LAMA2: variants seen among roughly 807,000 people sequenced by gnomAD.
LAMA2 encodes laminin subunit alpha 2.
In LAMA2, 269 loss-of-function variants were observed where a neutral mutation model predicts 364.8. That is an observed-to-expected ratio of 0.74 (90% CI 0.67 to 0.82). The LOEUF (loss-of-function observed/expected upper bound fraction) is 0.82, where lower values mean the gene tolerates loss of function less well. Ranked by LOEUF, LAMA2 falls within the 40% of genes least tolerant of loss-of-function variation. The pLI is 0.00. For missense variants in LAMA2, 3,807 were observed against 3,873.2 expected, an observed-to-expected ratio of 0.98 and a Z score of 0.45; for synonymous variants, 1,379 against 1,370.6, an observed-to-expected ratio of 1.01 and a Z score of -0.14.
chr6:129,217,252 A>G (rs1476657572), intron 12 of LAMA2, among the ~76,000 whole-genome samples: 1 of 152,064 alleles, frequency 6.6e-6, no homozygotes, highest in Non-Finnish European at 1.5e-5. Flanking sequence ...CAAAATATCT[A>G]TTTTTAGAAT....
intron 14 of LAMA2, among the ~76,000 whole-genome samples, chr6:129,255,832 C>T (rs1041921232): frequency 6.6e-6 from 1 of 152,126 alleles, no homozygotes; most frequent in Admixed American, 6.6e-5. Flanking sequence ...TGGGTAACTA[C>T]ATTTTGAAGA....
intron 12 of LAMA2, among the ~76,000 whole-genome samples, chr6:129,224,823 T>A (rs113009965): frequency 6.6e-6 from 1 of 152,192 alleles, no homozygotes; most frequent in African/African-American, 2.4e-5. Context: ...GCCAGGCTTT[T>A]GTATCAGGAG....
At chr6:128,883,442 T>C in intron 1 of LAMA2, 85 bp downstream of exon 1, 1 of 1,538,126 alleles carries the variant, frequency 6.5e-7, no homozygotes, top group Non-Finnish European at 8.7e-7. Context: ...AGTTGCTGTC[T>C]GTGGACTGCC....
intron 28 of LAMA2, among the ~76,000 whole-genome samples, chr6:129,321,650 G>C (rs997252172): frequency 6.6e-6 from 1 of 152,162 alleles, no homozygotes; most frequent in Non-Finnish European, 1.5e-5. Flanking sequence ...ACAGCACCTG[G>C]TGTGTAGATG....
intron 1 of LAMA2, among the ~76,000 whole-genome samples, chr6:128,913,207 G>C (rs989462617): frequency 6.6e-6 from 1 of 152,188 alleles, no homozygotes; most frequent in African/African-American, 2.4e-5. Context: ...TAGATGCTGT[G>C]AGAAAGATCA....
At chr6:129,351,543 G>C (rs1776854865) in intron 31 of LAMA2, among the ~76,000 whole-genome samples, 1 of 151,994 alleles carries the variant, frequency 6.6e-6, no homozygotes, top group Non-Finnish European at 1.5e-5. Context: ...CAAAGTTCTT[G>C]GTTAAATTTT....
At chr6:129,129,793 G>T (rs1022581998) in intron 4 of LAMA2, among the ~76,000 whole-genome samples, 1 of 150,256 alleles carries the variant, frequency 6.7e-6, no homozygotes, top group Non-Finnish European at 1.5e-5. Context: ...GCGTAGTGGC[G>T]GGCGCCTGTA....
At chr6:129,206,102 GAGGGAGGAAGGAAGGAAGGA>G (rs1324923669) in intron 12 of LAMA2, among the ~76,000 whole-genome samples, 4,950 of 101,786 alleles carry the variant, frequency 0.049, 176 homozygotes, top group South Asian at 0.087. Context: ...GGGAGGGAGG[GAGGGAGGAAGGAAGGAAGGA>G]AGGAAGGAAG....
chr6:129,100,213 A>T (rs1035010372), intron 4 of LAMA2, among the ~76,000 whole-genome samples: 1 of 152,178 alleles, frequency 6.6e-6, no homozygotes, highest in South Asian at 2.1e-4. Context: ...AACAAAAGAC[A>T]TGTTTATTAG....
At chr6:129,219,951 C>T (rs1283952146) in intron 12 of LAMA2, among the ~76,000 whole-genome samples, 1 of 150,964 alleles carries the variant, frequency 6.6e-6, no homozygotes, top group Non-Finnish European at 1.5e-5. Flanking sequence ...CACATGTACC[C>T]TAAAACTTAA....
chr6:128,992,750 C>A (rs1274825139), intron 1 of LAMA2, among the ~76,000 whole-genome samples: 1 of 152,110 alleles, frequency 6.6e-6, no homozygotes, highest in Non-Finnish European at 1.5e-5. Flanking sequence ...AAGACACCAG[C>A]TCTTTGTTTG....
chr6:129,211,422 A>G (rs566466408), intron 12 of LAMA2, among the ~76,000 whole-genome samples: 1 of 152,352 alleles, frequency 6.6e-6, no homozygotes, highest in Non-Finnish European at 1.5e-5. Flanking sequence ...TGTTATTCAC[A>G]TACCTGGTGG....
intron 19 of LAMA2, among the ~76,000 whole-genome samples, chr6:129,291,237 A>T (rs1789676123): frequency 6.6e-6 from 1 of 152,224 alleles, no homozygotes; most frequent in Non-Finnish European, 1.5e-5. Flanking sequence ...CCTTGAGTCA[A>T]GAACTCCAAG....
chr6:129,396,542 A>C (rs1264646502), intron 37 of LAMA2, among the ~76,000 whole-genome samples: 3 of 152,220 alleles, frequency 2.0e-5, no homozygotes, highest in Non-Finnish European at 2.9e-5. Flanking sequence ...GCCAGATCAT[A>C]GAAGGCTTTG....
chr6:129,212,738 A>G lies in LAMA2; in HGVS notation c.1782+19885A>G, dbSNP rs560877448. Among the ~76,000 whole-genome samples the G allele has an allele frequency of 9.5e-4, 144 of 152,324 alleles. 1 individual carries two copies. Among genetic ancestry groups the G allele is most frequent in the African/African-American group, 3.2e-3 (134 of 41,588 alleles). On this transcript the variant is annotated intron_variant, in intron 12 of 64. Transcript: ENST00000421865. Reference sequence around the variant, plus strand: ...TAAAAAATTCACTTAACTGAGTTTAATTTGCTTTCACTTAGGAAGCAGCTG... The same window carrying G: ...TAAAAAATTCACTTAACTGAGTTTAGTTTGCTTTCACTTAGGAAGCAGCTG...
At chr6:128,884,075 A>G (rs1235473164) in intron 1 of LAMA2, among the ~76,000 whole-genome samples, 1 of 152,162 alleles carries the variant, frequency 6.6e-6, no homozygotes, top group Admixed American at 6.5e-5. Flanking sequence ...GTGACTAGAT[A>G]TACACTTTGG....
At chr6:129,139,569 A>G (rs1777995416) in intron 4 of LAMA2, among the ~76,000 whole-genome samples, 1 of 152,106 alleles carries the variant, frequency 6.6e-6, no homozygotes, top group South Asian at 2.1e-4. Flanking sequence ...AGATTTTGAT[A>G]TCCACAGGAG....
chr6:128,899,578 T>C (rs1388297466), intron 1 of LAMA2, among the ~76,000 whole-genome samples: 1 of 152,244 alleles, frequency 6.6e-6, no homozygotes, highest in African/African-American at 2.4e-5. Context: ...CCAAGAGTGT[T>C]GCCTTTTAAA....
chr6:129,240,677 C>T (rs558707865), intron 12 of LAMA2, among the ~76,000 whole-genome samples: 2 of 152,272 alleles, frequency 1.3e-5, no homozygotes, highest in South Asian at 4.1e-4. Flanking sequence ...GCTCCTGGAT[C>T]GCCGTTTCCT....
Sources: gnomAD v4.1 joint callset for allele counts (sites outside exome capture counted in the v4.1 genomes callset) on GRCh38, gnomAD v4.1.1 for gene constraint, MANE v1.5 for transcripts, NCBI Gene and HGNC (gene_info 2026-07-23, HGNC 2026-07-21) for gene names.